The following ITGA2B variants were observed in gnomAD, a reference collection of about 807,000 sequenced individuals.
The protein encoded by ITGA2B is integrin alpha-IIb.
ITGA2B carries 91 observed loss-of-function variants against 142.0 expected under a neutral mutation model. The ratio of observed to expected loss-of-function variants is 0.64; its 90% confidence interval spans 0.54 to 0.76. The LOEUF is 0.76. Ranked by LOEUF, ITGA2B falls within the 30% of genes least tolerant of loss-of-function variation. The pLI is 0.00. For missense variants in ITGA2B, 1,231 were observed against 1,350.8 expected, an observed-to-expected ratio of 0.91 and a Z score of 1.39; for synonymous variants, 536 against 567.2, an observed-to-expected ratio of 0.94 and a Z score of 0.78.
rs937240314 is a variant in ITGA2B at position 44,382,363 on chromosome 17, C to A, written c.1210+1130G>T. On this transcript the variant is annotated intron_variant, in intron 12 of 29. Coordinates refer to ENST00000262407, the MANE Select transcript of ITGA2B (RefSeq NM_000419.5). ...ACCACAAACCTGTTGAAAGAGCTGT[C>A]TACATTAGCTGCATCCAATTTTTCA... is the stretch of plus-strand genomic sequence containing the variant. 4.0e-5 allele frequency among the ~76,000 whole-genome samples: 6 copies of A among 151,712 alleles called. No homozygotes were observed. The South Asian group carries it at 1.0e-3, about 26-fold the overall frequency.
Position 44,372,262 on chromosome 17 carries a change from A to G in ITGA2B, c.*102T>C. 1 of 1,203,752 alleles carries G rather than the reference A, an allele frequency of 8.3e-7. No individual in the cohort carries two copies. Among genetic ancestry groups the G allele is most frequent in the Non-Finnish European group, 1.2e-6 (1 of 813,406 alleles). 74.6% of individuals were successfully genotyped at this position (1,203,752 alleles called of 1,614,324 possible). A position where few individuals can be genotyped will look rare whatever the true frequency, so the allele number is the denominator to read the frequency against. ...GAGGGAAACGACACCAAGAGGACCC[A>G]ATGGAACAGCTCCAACCCAAAGCTT... On this transcript the variant is annotated 3_prime_UTR_variant, in exon 30 of 30. Coordinates refer to ENST00000262407, the MANE Select transcript of ITGA2B (RefSeq NM_000419.5).
chr17:44,374,836 C>G (rs914278130), intron 27 of ITGA2B, 76 bp from the exon 28 acceptor site: 22 of 1,397,790 alleles, frequency 1.6e-5, no homozygotes, highest in African/African-American at 2.8e-5. Context: ...TCCCACACCC[C>G]CGGCGGGGAA....
chr17:44,380,897 C>T lies in ITGA2B; in HGVS notation c.1375G>A (p.Asp459Asn), dbSNP rs181511536. 7.7e-5 allele frequency: 125 copies of T among 1,614,232 alleles called. No individual in the cohort carries two copies. The highest frequency in any genetic ancestry group is 1.6e-4 in the East Asian group (7 of 44,886). Residue 459 changes from aspartate (D) to asparagine (N), a missense_variant, in exon 13 of 30, where the codon GAT becomes AAT. Physicochemically the swap from Asp to Asn is conservative, Grantham distance 23. This residue lies in a region of ITGA2B where 908 missense variants were observed against 1,021.1 expected (regional missense o/e 0.89). Transcript: ENST00000262407. ...GFSLRGAVDI[D>N]DNGYPDLIVG... ...AGGGCACCTGGGTATCCGTTGTCAT[C>T]GATGTCTACGGCACCTCGAAGGGAG...
chr17:44,381,513 A>G (rs932723278), intron 12 of ITGA2B, among the ~76,000 whole-genome samples: 1 of 151,724 alleles, frequency 6.6e-6, no homozygotes, highest in Non-Finnish European at 1.5e-5. Flanking sequence ...TATTTTCAGT[A>G]GAGACGGGGT....
Position 44,374,437 on chromosome 17 carries a change from TCTC to T in ITGA2B, c.2974_2976del (p.Glu992del), listed in dbSNP as rs780673775. The T allele has an allele frequency of 1.2e-6, 2 of 1,614,030 alleles. No individual in the cohort carries two copies. Among genetic ancestry groups the T allele is most frequent in the Non-Finnish European group, 8.5e-7 (1 of 1,179,978 alleles). ...AGCACCCACCAGATTGGAATGGCCCTCTCCTCCAAGGCCCGGAGCAGCTGTGTC... is the reference window on the plus strand; with the variant it reads ...AGCACCCACCAGATTGGAATGGCCCTCTCCAAGGCCCGGAGCAGCTGTGTC... On this transcript the variant is annotated inframe_deletion, in exon 29 of 30. Transcript: ENST00000262407.
chr17:44,374,704 G>A lies in ITGA2B; in HGVS notation c.2898C>T (p.Leu966=). The A allele has an allele frequency of 6.2e-7, 1 of 1,614,122 alleles. No homozygotes were observed. Among genetic ancestry groups the A allele is most frequent in the Non-Finnish European group, 8.5e-7 (1 of 1,180,014 alleles). ...QSHAWFNVSS[L]PYAVPPLSLP... is the part of the protein sequence containing the mutation. ...GGCTGAGCGGGGGCACCGCATAGGG[G>A]AGGGAGGACACGTTGAACCATGCGT... Residue 966 remains leucine (L), a synonymous_variant, in exon 28 of 30, where the codon CTC becomes CTT. Transcript: ENST00000262407.
Position 44,374,758 on chromosome 17 carries a change from C to T in ITGA2B, c.2844G>A (p.Arg948=). 1.2e-6 allele frequency: 2 copies of T among 1,613,814 alleles called. No homozygotes were observed. The change falls in exon 28 of 30, where the codon AGG becomes AGA. Residue 948 remains arginine, a splice_region_variant and synonymous_variant. Transcript: ENST00000262407. Reference sequence around the variant, plus strand: ...ACTGCAGCACAAACTGATCCAGAGGCCTCTGGACAGGTTGGGGTTGAAAGC... The same window carrying T: ...ACTGCAGCACAAACTGATCCAGAGGTCTCTGGACAGGTTGGGGTTGAAAGC... ...AFLWLPSLYQ[R]PLDQFVLQSH...
At chr17:44,385,466 G>A (rs2143487296) in intron 4 of ITGA2B, 85 bp downstream of exon 4, 1 of 1,524,614 alleles carries the variant, frequency 6.6e-7, no homozygotes, top group East Asian at 2.4e-5. Flanking sequence ...TCCAAAGCAA[G>A]GGCTGCGGCG....
In ITGA2B at chr17:44,379,755, T is replaced by C; in HGVS notation, c.1812A>G (p.Leu604=). The C allele has an allele frequency of 6.2e-7, 1 of 1,613,690 alleles. No homozygotes were observed. The highest frequency in any genetic ancestry group is 8.5e-7 in the Non-Finnish European group (1 of 1,179,948). ...SPIVLSLNVS[L]PPTEAGMAPA... ...GGGCCATTCCAGCCTCCGTGGGCGG[T>C]AGGGACACATTGAGGCTGAGCACAA... The change falls in exon 18 of 30, where the codon CTA becomes CTG. Residue 604 remains leucine, a synonymous_variant. Coordinates refer to ENST00000262407, the MANE Select transcript of ITGA2B (RefSeq NM_000419.5).
chr17:44,387,205 T>C (rs1195702262), intron 1 of ITGA2B, among the ~76,000 whole-genome samples: 4 of 151,980 alleles, frequency 2.6e-5, no homozygotes, highest in African/African-American at 9.7e-5. Context: ...CCCACGAGCT[T>C]TGGAACTAGA....
chr17:44,381,323 C>A (rs2048595622), intron 12 of ITGA2B, among the ~76,000 whole-genome samples: 1 of 151,466 alleles, frequency 6.6e-6, no homozygotes, highest in Non-Finnish European at 1.5e-5. Context: ...CATCATTATT[C>A]CCTTTTCTAA....
intron 9 of ITGA2B, 62 bp downstream of exon 9, chr17:44,384,246 CAGG>C: frequency 1.2e-6 from 2 of 1,602,226 alleles, no homozygotes; most frequent in South Asian, 1.1e-5. Flanking sequence ...GGGGGGCGCT[CAGG>C]AGTTGTCAGC....
intron 27 of ITGA2B, 65 bp from the exon 28 acceptor site, chr17:44,374,825 G>C: frequency 1.4e-6 from 2 of 1,438,080 alleles, no homozygotes; most frequent in South Asian, 2.3e-5. Context: ...AGGAGTCCAG[G>C]TCCCACACCC....
rs184817511 is a variant in ITGA2B at position 44,379,506 on chromosome 17, G to A, written c.1878+183C>T. On this transcript the variant is annotated intron_variant, in intron 18 of 29. Coordinates refer to ENST00000262407, the MANE Select transcript of ITGA2B (RefSeq NM_000419.5). ...TGACCTCAGGCAATCTGCCTGCCTC[G>A]GTCTCCCAAAGTGCTGGGATTACAG... Among the ~76,000 whole-genome samples the A allele has an allele frequency of 3.0e-3, 453 of 152,118 alleles. 3 individuals carry two copies. The highest frequency in any genetic ancestry group is 0.01 in the African/African-American group (432 of 41,500).
chr17:44,381,054 T>C lies in ITGA2B; in HGVS notation c.1218A>G (p.Ala406=). ...TGGGACCCCCGTAGGGGGCAGCCAC[T>C]GCAATGTCTGGAAGGAGTAACAGAA... ...DLDRDGYNDI[A]VAAPYGGPSG... is the part of the protein sequence containing the mutation. Residue 406 remains alanine, a synonymous_variant, in exon 13 of 30, where the codon GCA becomes GCG. Transcript: ENST00000262407. The C allele has an allele frequency of 1.2e-6, 2 of 1,613,394 alleles. No individual in the cohort carries two copies. Among genetic ancestry groups the C allele is most frequent in the Non-Finnish European group, 1.7e-6 (2 of 1,179,678 alleles).
intron 1 of ITGA2B, 108 bp from the exon 2 acceptor site, chr17:44,386,239 A>T: frequency 6.7e-7 from 1 of 1,498,010 alleles, no homozygotes; most frequent in East Asian, 2.5e-5. Context: ...GGGGCACTGG[A>T]CCATCTTTCC....
chr17:44,380,626 G>A lies in ITGA2B; in HGVS notation c.1413C>T (p.Tyr471=), dbSNP rs78218617. The A allele has an allele frequency of 2.4e-5, 38 of 1,614,172 alleles. No homozygotes were observed. The East Asian group carries it at 3.3e-4, about 14-fold the overall frequency. ...TGTACACAGCCACCTGGTTGGCCCC[G>A]TAAGCTCCCACGATCAGGTCTATAG... ...NGYPDLIVGA[Y]GANQVAVYRA... is the part of the protein sequence containing the mutation. Residue 471 remains tyrosine, a synonymous_variant, in exon 14 of 30, where the codon TAC becomes TAT. Transcript: ENST00000262407.
chr17:44,375,167 C>T (rs2143432939), intron 26 of ITGA2B, 56 bp from the exon 27 acceptor site: 2 of 1,451,944 alleles, frequency 1.4e-6, no homozygotes, highest in East Asian at 4.9e-5. Flanking sequence ...CCCATCATCC[C>T]CCACCCCCTT....
intron 13 of ITGA2B, 45 bp from the exon 14 acceptor site, chr17:44,380,690 G>T: frequency 1.2e-6 from 2 of 1,612,970 alleles, no homozygotes; most frequent in African/African-American, 1.3e-5. Flanking sequence ...TTAGGGCATG[G>T]GATCCTCATC....
Sources: gnomAD v4.1 joint callset for allele counts (sites outside exome capture counted in the v4.1 genomes callset) on GRCh38, gnomAD v4.1.1 for gene constraint, gnomAD v4.1.1 regional missense constraint, MANE v1.5 for transcripts, NCBI Gene and HGNC (gene_info 2026-07-23, HGNC 2026-07-21) for gene names.